Variants in VTI1A observed in about 807,000 individuals in gnomAD.
The protein encoded by VTI1A is vesicle transport through interaction with t-SNAREs 1A.
Under a neutral mutation model 34.9 loss-of-function variants are expected in VTI1A, and 22 were observed. That is an observed-to-expected ratio of 0.63 (90% CI 0.45 to 0.90). The LOEUF is 0.90. VTI1A is among the 40% of genes least tolerant of loss of function. The pLI is 0.00. For synonymous variants in VTI1A, 87 were observed against 97.3 expected (o/e 0.89, Z 0.62); for missense variants, 268 against 275.6 (o/e 0.97, Z 0.20).
chr10:112,533,605 T>A (rs1187665547), intron 4 of VTI1A: 1 of 987,422 alleles, frequency 1.0e-6, no homozygotes, highest in East Asian at 7.3e-5. Flanking sequence ...CCTATAAAAT[T>A]GAGTTTTTAA....
intron 5 of VTI1A, among the ~76,000 whole-genome samples, chr10:112,583,113 G>A (rs955119968): frequency 3.9e-5 from 6 of 152,160 alleles, no homozygotes; most frequent in Non-Finnish European, 7.3e-5. Flanking sequence ...AAAGGGGAGC[G>A]ATAAAAGGAT....
intron 5 of VTI1A, among the ~76,000 whole-genome samples, chr10:112,590,338 A>T (rs892312854): frequency 6.6e-6 from 1 of 152,196 alleles, no homozygotes; most frequent in African/African-American, 2.4e-5. Flanking sequence ...AGACAGACAG[A>T]TGGGCAGATA....
At chr10:112,558,979 G>GA (rs1054996227) in intron 5 of VTI1A, among the ~76,000 whole-genome samples, 2 of 151,148 alleles carry the variant, frequency 1.3e-5, no homozygotes, top group African/African-American at 2.4e-5. Flanking sequence ...TCTAGAAGAA[G>GA]AAAAAAAAAG....
intron 7 of VTI1A, among the ~76,000 whole-genome samples, chr10:112,686,342 C>T (rs770151896): frequency 7.9e-5 from 12 of 152,124 alleles, no homozygotes; most frequent in East Asian, 1.9e-4. Flanking sequence ...CTATTTTCTT[C>T]ATTCAAATGT....
intron 3 of VTI1A, 116 bp from the exon 4 acceptor site, chr10:112,526,971 T>C: frequency 3.5e-6 from 3 of 853,072 alleles, no homozygotes; most frequent in Non-Finnish European, 5.5e-6. Context: ...TTGTAGCCAA[T>C]AGGTTTCCAT....
intron 7 of VTI1A, among the ~76,000 whole-genome samples, chr10:112,806,664 C>T (rs148258747): frequency 2.6e-5 from 4 of 151,694 alleles, no homozygotes; most frequent in African/African-American, 4.8e-5. Flanking sequence ...TGGCTCATTG[C>T]GATTTCACCC....
intron 3 of VTI1A, among the ~76,000 whole-genome samples, chr10:112,522,020 A>G (rs934848077): frequency 5.3e-5 from 8 of 152,066 alleles, no homozygotes; most frequent in African/African-American, 1.9e-4. Flanking sequence ...CCATCTGGGC[A>G]TTACAGAAGT....
At chr10:112,582,009 A>G (rs1292562149) in intron 5 of VTI1A, among the ~76,000 whole-genome samples, 2 of 152,150 alleles carry the variant, frequency 1.3e-5, no homozygotes, top group African/African-American at 2.4e-5. Flanking sequence ...TCTTGATGCT[A>G]ATTTCTGTCT....
chr10:112,544,496 C>T (rs571001774), intron 5 of VTI1A, among the ~76,000 whole-genome samples: 26 of 152,166 alleles, frequency 1.7e-4, no homozygotes, highest in African/African-American at 4.8e-4. Context: ...CCACCACGCC[C>T]GGCTGAGACA....
intron 7 of VTI1A, among the ~76,000 whole-genome samples, chr10:112,709,437 A>G (rs1849322312): frequency 6.6e-6 from 1 of 151,638 alleles, no homozygotes; most frequent in South Asian, 2.1e-4. Context: ...TGCAGCCTCT[A>G]CCTTCCTTCC....
intron 3 of VTI1A, among the ~76,000 whole-genome samples, chr10:112,490,051 A>G (rs1231702892): frequency 3.9e-5 from 6 of 152,156 alleles, no homozygotes; most frequent in Admixed American, 2.0e-4. Context: ...TACCTGATAT[A>G]TTTTTACCCA....
At chr10:112,622,304 C>A (rs1845764428) in intron 5 of VTI1A, among the ~76,000 whole-genome samples, 1 of 152,114 alleles carries the variant, frequency 6.6e-6, no homozygotes, top group African/African-American at 2.4e-5. Context: ...ACTAGACACA[C>A]CCAGCTGAAG....
At chr10:112,854,811 C>G in the VTI1A span, among the ~76,000 whole-genome samples, 1,052 of 152,296 alleles carry the variant, frequency 6.9e-3, 13 homozygotes, top group African/African-American at 0.024. Flanking sequence ...GTCTGCTGGG[C>G]CGCCTGCTGC....
At chr10:112,807,983 C>T (rs886394405) in intron 7 of VTI1A, among the ~76,000 whole-genome samples, 7 of 151,238 alleles carry the variant, frequency 4.6e-5, no homozygotes, top group Non-Finnish European at 7.4e-5. Context: ...TTTGGGAGGC[C>T]GAGGCAAGAG....
At chr10:112,639,989 A>T (rs1319195891) in intron 5 of VTI1A, among the ~76,000 whole-genome samples, 2 of 152,252 alleles carry the variant, frequency 1.3e-5, no homozygotes, top group African/African-American at 4.8e-5. Context: ...CCAGTAAATT[A>T]GGAATAATCA....
chr10:112,613,488 C>T (rs74836778), intron 5 of VTI1A, among the ~76,000 whole-genome samples: 1 of 152,078 alleles, frequency 6.6e-6, no homozygotes, highest in African/African-American at 2.4e-5. Flanking sequence ...CACCTTCTCC[C>T]CTCTCTGTAG....
chr10:112,747,479 A>G (rs550340004), intron 7 of VTI1A, among the ~76,000 whole-genome samples: 5 of 152,322 alleles, frequency 3.3e-5, no homozygotes, highest in South Asian at 4.1e-4. Flanking sequence ...CACAATGGTT[A>G]AGTATTTGTG....
At chr10:112,642,206 T>A (rs1846602604) in intron 5 of VTI1A, among the ~76,000 whole-genome samples, 1 of 152,222 alleles carries the variant, frequency 6.6e-6, no homozygotes, top group East Asian at 1.9e-4. Flanking sequence ...AATAGTAGAT[T>A]GTTCCAATTT....
At chr10:112,701,043 G>A (rs1202863074) in intron 7 of VTI1A, among the ~76,000 whole-genome samples, 1 of 152,148 alleles carries the variant, frequency 6.6e-6, no homozygotes, top group Non-Finnish European at 1.5e-5. Context: ...AAAATAAGTT[G>A]TATCTCATTG....
Sources: allele counts gnomAD v4.1 joint callset (sites outside exome capture counted in the v4.1 genomes callset), GRCh38; gene constraint gnomAD v4.1.1; transcripts MANE v1.5; gene names NCBI Gene and HGNC (gene_info 2026-07-23, HGNC 2026-07-21).